GRK3: variants seen among roughly 807,000 people sequenced by gnomAD.
GRK3 encodes the protein adrenergic, beta, receptor kinase 2.
Under a neutral mutation model 95.7 loss-of-function variants are expected in GRK3, and 54 were observed. The ratio of observed to expected loss-of-function variants is 0.56; its 90% confidence interval spans 0.45 to 0.71. The LOEUF (loss-of-function observed/expected upper bound fraction) is 0.71, where lower values mean the gene tolerates loss of function less well. GRK3 is among the 30% of genes least tolerant of loss of function. GRK3 has a pLI of 0.00. For missense variants in GRK3, 649 were observed against 851.2 expected (o/e 0.76, Z 2.96); for synonymous variants, 281 against 290.8 (o/e 0.97, Z 0.34).
chr22:25,712,002 C>A (rs1035419658), intron 17 of GRK3, among the ~76,000 whole-genome samples: 2 of 152,208 alleles, frequency 1.3e-5, no homozygotes, highest in African/African-American at 4.8e-5. Flanking sequence ...GGACTGGGAC[C>A]AGCTAGACTG....
intron 2 of GRK3, among the ~76,000 whole-genome samples, chr22:25,626,835 T>C (rs1209958206): frequency 6.6e-6 from 1 of 152,220 alleles, no homozygotes; most frequent in Non-Finnish European, 1.5e-5. Flanking sequence ...GGGTTGGCAG[T>C]GGCACCCATA....
intron 15 of GRK3, among the ~76,000 whole-genome samples, chr22:25,708,944 G>A (rs1201249425): frequency 6.6e-6 from 1 of 152,076 alleles, no homozygotes; most frequent in Non-Finnish European, 1.5e-5. Context: ...TTACAGGTAT[G>A]AGCCACCATG....
At chr22:25,649,102 C>T in intron 3 of GRK3, 1 of 1,528,734 alleles carries the variant, frequency 6.5e-7, no homozygotes, top group Non-Finnish European at 9.1e-7. Flanking sequence ...TGTCCAGAAT[C>T]CCTCCATGAA....
chr22:25,614,567 C>T (rs911604136), intron 2 of GRK3, among the ~76,000 whole-genome samples: 1 of 152,194 alleles, frequency 6.6e-6, no homozygotes, highest in African/African-American at 2.4e-5. Flanking sequence ...CTAGACACTT[C>T]AGTGAGTATT....
intron 1 of GRK3, among the ~76,000 whole-genome samples, chr22:25,594,528 G>C (rs2084358279): frequency 6.6e-6 from 1 of 152,272 alleles, no homozygotes; most frequent in Non-Finnish European, 1.5e-5. Context: ...CTTCATTCCT[G>C]GGAGGCAAGG....
chr22:25,630,595 C>CT (rs2084657710), intron 2 of GRK3, among the ~76,000 whole-genome samples: 1 of 152,194 alleles, frequency 6.6e-6, no homozygotes, highest in Non-Finnish European at 1.5e-5. Context: ...CTCGCCCCTA[C>CT]ATTCTTACAT....
At chr22:25,634,079 A>G (rs1051095606) in intron 2 of GRK3, among the ~76,000 whole-genome samples, 3 of 152,156 alleles carry the variant, frequency 2.0e-5, no homozygotes, top group African/African-American at 7.2e-5. Flanking sequence ...ATTTTTCACC[A>G]TTCAATTCAT....
At chr22:25,590,089 T>C (rs148490078) in intron 1 of GRK3, among the ~76,000 whole-genome samples, 2,149 of 152,176 alleles carry the variant, frequency 0.014, 50 homozygotes, top group African/African-American at 0.048. Context: ...ATCAAATACA[T>C]AGCTAATTTT....
Position 25,687,641 on chromosome 22 carries a change from C to G in GRK3, c.931C>G (p.Arg311Gly). 1 of 1,614,100 alleles carries G rather than the reference C, an allele frequency of 6.2e-7. No homozygotes were observed. Among genetic ancestry groups the G allele is most frequent in the Non-Finnish European group, 8.5e-7 (1 of 1,179,996 alleles). Residue 311 changes from arginine to glycine, a missense_variant, in exon 11 of 21, where the codon CGG (arginine) becomes GGG (glycine). Physicochemically the swap from Arg to Gly is moderately radical, Grantham distance 125. This residue lies in a region of GRK3 where 382 missense variants were observed against 493.8 expected (regional missense o/e 0.77). Transcript: ENST00000324198. ...TCTGGGTCTGGAACACATGCACAAT[C>G]GGTTTGTTGTCTACAGAGATTTGAA... ...IILGLEHMHN[R>G]FVVYRDLKPA...
chr22:25,710,402 CT>C lies in GRK3; in HGVS notation c.1395+439del, dbSNP rs2085334994. On this transcript the variant is annotated intron_variant, in intron 16 of 20. Transcript: ENST00000324198. ...TCTGCCATAAACGTATGTATATTTT[CT>C]AGCCCAATACTACATAATTTAAGAA... is the stretch of plus-strand genomic sequence containing the variant. Among the ~76,000 whole-genome samples, 4 of 152,194 alleles carry C rather than the reference CT, an allele frequency of 2.6e-5. No individual in the cohort carries two copies. In the South Asian group the frequency reaches 8.3e-4, roughly 32 times the overall value.
intron 9 of GRK3, chr22:25,684,715 A>G (rs2085099654): frequency 6.5e-6 from 1 of 153,482 alleles, no homozygotes; most frequent in Non-Finnish European, 1.4e-5. Context: ...TAGAGACATG[A>G]TTGAATCCAA....
In GRK3 at chr22:25,683,495, T is replaced by C. The variant is rs538805659; in HGVS notation, c.748-1675T>C. Among the ~76,000 whole-genome samples the C allele has an allele frequency of 5.3e-5, 8 of 152,360 alleles. No individual in the cohort carries two copies. The East Asian group carries it at 1.5e-3, about 29-fold the overall frequency. On this transcript the variant is annotated intron_variant, in intron 9 of 20. Coordinates refer to ENST00000324198, the MANE Select transcript of GRK3 (RefSeq NM_005160.4). ...TGCACCATTCGTTGTACACTTCCAG[T>C]GGCCATATATGAAAGTTCTATTCAC... is the stretch of plus-strand genomic sequence containing the variant.
At chr22:25,615,634 C>A (rs966956395) in intron 2 of GRK3, among the ~76,000 whole-genome samples, 15 of 146,074 alleles carry the variant, frequency 1.0e-4, no homozygotes, top group African/African-American at 3.1e-4. Flanking sequence ...CCATACCTTT[C>A]TCCTAAGCAC....
At chr22:25,679,230 C>T (rs1345820432) in intron 9 of GRK3, among the ~76,000 whole-genome samples, 4 of 152,082 alleles carry the variant, frequency 2.6e-5, no homozygotes, top group Non-Finnish European at 5.9e-5. Flanking sequence ...CCTGACTAAA[C>T]GACTGGCAAG....
intron 1 of GRK3, among the ~76,000 whole-genome samples, chr22:25,594,735 G>A (rs549351885): frequency 4.6e-5 from 7 of 152,008 alleles, no homozygotes; most frequent in African/African-American, 7.2e-5. Flanking sequence ...AAAATTAGCC[G>A]GGCGTGGCGG....
At chr22:25,708,807 G>A (rs919687493) in intron 15 of GRK3, among the ~76,000 whole-genome samples, 1 of 151,378 alleles carries the variant, frequency 6.6e-6, no homozygotes, top group Admixed American at 6.6e-5. Context: ...GACTACAGGC[G>A]CCTGCCACCA....
At chr22:25,623,015 C>T (rs1385774959) in intron 2 of GRK3, among the ~76,000 whole-genome samples, 1 of 152,146 alleles carries the variant, frequency 6.6e-6, no homozygotes, top group African/African-American at 2.4e-5. Flanking sequence ...GATCTTGGCT[C>T]ACTGCAACCT....
intron 2 of GRK3, among the ~76,000 whole-genome samples, chr22:25,607,311 C>CT (rs2084457872): frequency 6.6e-6 from 1 of 151,864 alleles, no homozygotes; most frequent in Admixed American, 6.6e-5. Flanking sequence ...TTAGTGTACT[C>CT]TAATACCGAG....
At chr22:25,591,164 G>A (rs1037389650) in intron 1 of GRK3, among the ~76,000 whole-genome samples, 21 of 152,120 alleles carry the variant, frequency 1.4e-4, no homozygotes, top group Admixed American at 6.5e-5. Context: ...CCGGTGTGCT[G>A]TGTCACTAGA....
Sources: allele counts gnomAD v4.1 joint callset (sites outside exome capture counted in the v4.1 genomes callset), GRCh38; gene constraint gnomAD v4.1.1; regional missense constraint gnomAD v4.1.1; transcripts MANE v1.5; gene names NCBI Gene and HGNC (gene_info 2026-07-23, HGNC 2026-07-21).